Variants in ABI1 observed in about 807,000 individuals in gnomAD.
ABI1 encodes Abelson interactor 1.
Under a neutral mutation model 54.6 loss-of-function variants are expected in ABI1, and 14 were observed. That is an observed-to-expected ratio of 0.26 (90% CI 0.17 to 0.40). ABI1 has a LOEUF of 0.40. Ranked by LOEUF, ABI1 falls within the 10% of genes least tolerant of loss-of-function variation. The pLI is 1.00. For missense variants in ABI1, 443 were observed against 598.3 expected, an observed-to-expected ratio of 0.74 and a Z score of 2.71; for synonymous variants, 194 against 209.3, an observed-to-expected ratio of 0.93 and a Z score of 0.63.
intron 2 of ABI1, among the ~76,000 whole-genome samples, chr10:26,805,383 C>T (rs2046815981): frequency 6.7e-6 from 1 of 149,118 alleles, no homozygotes; most frequent in Non-Finnish European, 1.5e-5. Context: ...GCTGTTTATA[C>T]TCAAGCTCAA....
At chr10:26,859,883 C>T (rs953133741) in intron 1 of ABI1, among the ~76,000 whole-genome samples, 1 of 152,052 alleles carries the variant, frequency 6.6e-6, no homozygotes, top group African/African-American at 2.4e-5. Flanking sequence ...GGAGGGTAAG[C>T]CGTTTTTCCA....
rs116571340 is a variant in ABI1, at chr10:26,820,029, G to C, written c.285+3109C>G. 2.6e-5 allele frequency among the ~76,000 whole-genome samples: 4 copies of C among 152,122 alleles called. No individual in the cohort carries two copies. In the East Asian group the frequency reaches 5.8e-4, roughly 22 times the overall value. Reference sequence around the variant, plus strand: ...TAGAATGGTAGTTGTCAGAGACTAGGGGGTAAGGGAAATGGGGAGCTGTTG... The same window carrying C: ...TAGAATGGTAGTTGTCAGAGACTAGCGGGTAAGGGAAATGGGGAGCTGTTG... On this transcript the variant is annotated intron_variant, in intron 2 of 10. Coordinates refer to ENST00000376140, the MANE Select transcript of ABI1 (RefSeq NM_001012750.3).
intron 2 of ABI1, among the ~76,000 whole-genome samples, chr10:26,819,770 G>A (rs1255224011): frequency 6.6e-6 from 1 of 152,116 alleles, no homozygotes; most frequent in Admixed American, 6.5e-5. Flanking sequence ...GTCTATCAAT[G>A]GATGAATAGG....
intron 1 of ABI1, among the ~76,000 whole-genome samples, chr10:26,848,200 C>CAAAAAAAAAAAA (rs149066426): frequency 8.9e-5 from 7 of 78,650 alleles, no homozygotes; most frequent in Non-Finnish European, 9.9e-5. Context: ...GACCCTGTCT[C>CAAAAAAAAAAAA]AAAAAAAAAA....
At chr10:26,789,789 C>A in intron 2 of ABI1, among the ~76,000 whole-genome samples, 3 of 152,284 alleles carry the variant, frequency 2.0e-5, no homozygotes, top group Middle Eastern at 6.8e-3. Flanking sequence ...CCACCTTTCA[C>A]CCTCCAGTAG....
At chr10:26,854,115 T>C (rs568898738) in intron 1 of ABI1, among the ~76,000 whole-genome samples, 105 of 152,272 alleles carry the variant, frequency 6.9e-4, no homozygotes, top group African/African-American at 2.3e-3. Context: ...CAGAATCAAC[T>C]GGAGAACGCA....
intron 2 of ABI1, among the ~76,000 whole-genome samples, chr10:26,821,242 C>T (rs1348080960): frequency 2.4e-4 from 1 of 4,244 alleles, no homozygotes. Flanking sequence ...AAGACTCCAT[C>T]TAAAAAAAAA....
intron 2 of ABI1, among the ~76,000 whole-genome samples, chr10:26,813,386 AGTC>A (rs60218182): frequency 0.23 from 12,670 of 56,268 alleles, 549 homozygotes; most frequent in African/African-American, 0.45. Flanking sequence ...ATCACCAAGT[AGTC>A]AGTCAGTAAG....
intron 2 of ABI1, among the ~76,000 whole-genome samples, chr10:26,785,024 C>A (rs933987466): frequency 6.6e-6 from 1 of 152,078 alleles, no homozygotes; most frequent in Non-Finnish European, 1.5e-5. Flanking sequence ...GGTCTTGGAC[C>A]CTGGGGAGCA....
In ABI1 at chr10:26,787,035, T is replaced by A. The variant is rs80269687; in HGVS notation, c.286-9794A>T. Among the ~76,000 whole-genome samples the A allele has an allele frequency of 2.6e-3, 397 of 152,328 alleles. 22 individuals carry two copies. The East Asian group carries it at 0.074, about 29-fold the overall frequency. ...TCAGACATCTAGCATTTACTTCATG[T>A]TTAATTTTACTAAATCCTGTCACAT... On this transcript the variant is annotated intron_variant, in intron 2 of 10. Coordinates refer to ENST00000376140, the MANE Select transcript of ABI1 (RefSeq NM_001012750.3).
intron 5 of ABI1, 34 bp from the exon 6 acceptor site, chr10:26,769,026 T>C (rs2132715295): frequency 6.7e-7 from 1 of 1,485,210 alleles, no homozygotes; most frequent in East Asian, 2.5e-5. Flanking sequence ...GAATAATGAA[T>C]AAAAAAGATA....
At chr10:26,768,375 G>A (rs1324728838) in intron 6 of ABI1, among the ~76,000 whole-genome samples, 3 of 150,516 alleles carry the variant, frequency 2.0e-5, no homozygotes, top group South Asian at 2.1e-4. Context: ...CAGAAACCCC[G>A]TCTCAACTCA....
intron 2 of ABI1, among the ~76,000 whole-genome samples, chr10:26,799,152 A>C (rs1172851793): frequency 2.0e-5 from 3 of 152,124 alleles, no homozygotes; most frequent in Non-Finnish European, 2.9e-5. Context: ...TAGAAGAGGC[A>C]ATTTTTTTAG....
At chr10:26,810,328 G>A (rs1272509059) in intron 2 of ABI1, among the ~76,000 whole-genome samples, 3 of 152,044 alleles carry the variant, frequency 2.0e-5, no homozygotes, top group African/African-American at 2.4e-5. Context: ...GTATCATCAT[G>A]CAATCTGCAC....
intron 2 of ABI1, among the ~76,000 whole-genome samples, chr10:26,810,812 CT>C (rs1365792518): frequency 1.5e-4 from 22 of 142,928 alleles, no homozygotes; most frequent in Non-Finnish European, 2.4e-4. Flanking sequence ...TACACCTGTT[CT>C]TTTAAAAAAA....
At chr10:26,809,479 G>A (rs931691402) in intron 2 of ABI1, among the ~76,000 whole-genome samples, 4 of 152,018 alleles carry the variant, frequency 2.6e-5, no homozygotes, top group African/African-American at 9.7e-5. Context: ...GATCCCTTGA[G>A]CCAGGGAGTT....
At chr10:26,822,606 A>C (rs2048052811) in intron 2 of ABI1, among the ~76,000 whole-genome samples, 1 of 152,160 alleles carries the variant, frequency 6.6e-6, no homozygotes, top group Non-Finnish European at 1.5e-5. Context: ...GACCAAAAAA[A>C]AAATTAGTAA....
chr10:26,831,492 G>A (rs527285879), intron 1 of ABI1, among the ~76,000 whole-genome samples: 8 of 152,206 alleles, frequency 5.3e-5, no homozygotes, highest in Admixed American at 2.0e-4. Flanking sequence ...GCAGTGAGCC[G>A]AGATAGTGCC....
intron 1 of ABI1, among the ~76,000 whole-genome samples, chr10:26,854,649 T>C (rs918487634): frequency 2.6e-5 from 4 of 152,212 alleles, no homozygotes; most frequent in African/African-American, 7.2e-5. Flanking sequence ...ATTTCCAACC[T>C]ACATCTCTAA....
Sources: allele counts gnomAD v4.1 joint callset (sites outside exome capture counted in the v4.1 genomes callset), GRCh38; gene constraint gnomAD v4.1.1; transcripts MANE v1.5; gene names NCBI Gene and HGNC (gene_info 2026-07-23, HGNC 2026-07-21).